Variants in NTM observed in about 807,000 individuals in gnomAD.
NTM encodes IgLON family member 2.
In NTM, 13 loss-of-function variants were observed where a neutral mutation model predicts 42.1. The observed-to-expected ratio is 0.31, with a 90% confidence interval of 0.20 to 0.49. The LOEUF is 0.49. NTM is among the 20% of genes least tolerant of loss of function. The probability of loss-of-function intolerance (pLI) is 0.99; values close to 1 mark genes in which losing one functional copy is unlikely to be tolerated. For synonymous variants in NTM, 187 were observed against 179.2 expected (o/e 1.04, Z -0.35); for missense variants, 373 against 452.8 (o/e 0.82, Z 1.60).
At chr11:132,265,994 A>T (rs2093161956) in intron 4 of NTM, among the ~76,000 whole-genome samples, 3 of 152,162 alleles carry the variant, frequency 2.0e-5, no homozygotes. Context: ...CTACTTCCTT[A>T]ACACAGGGTG....
At chr11:131,674,153 C>T (rs752724284) in intron 1 of NTM, among the ~76,000 whole-genome samples, 1 of 152,238 alleles carries the variant, frequency 6.6e-6, no homozygotes, top group Non-Finnish European at 1.5e-5. Flanking sequence ...CTCGCGTGGC[C>T]ATGAGAAGTA....
At chr11:131,788,493 AT>A (rs1192359486) in intron 1 of NTM, among the ~76,000 whole-genome samples, 1 of 151,992 alleles carries the variant, frequency 6.6e-6, no homozygotes, top group African/African-American at 2.4e-5. Flanking sequence ...ATTGGTAGAT[AT>A]TCTTTTGTAT....
intron 1 of NTM, among the ~76,000 whole-genome samples, chr11:131,526,232 C>T (rs577506949): frequency 6.6e-6 from 1 of 152,314 alleles, no homozygotes; most frequent in Admixed American, 6.5e-5. Context: ...GTCTGACCCC[C>T]ACTTTACTGC....
intron 1 of NTM, among the ~76,000 whole-genome samples, chr11:131,816,356 A>G (rs1274643770): frequency 1.3e-5 from 2 of 152,018 alleles, no homozygotes; most frequent in African/African-American, 2.4e-5. Flanking sequence ...ATAACAGTCA[A>G]CCCCTTAGAT....
rs192648133 is a variant in NTM at position 131,713,183 on chromosome 11, A to G, written c.83-198381A>G. On this transcript the variant is annotated intron_variant, in intron 1 of 8. Coordinates refer to ENST00000683400, the MANE Select transcript of NTM (RefSeq NM_001352005.2). ...GGGTGTGTAATGATAAAGAAATGCAAATGTTTAGAGCAACAAAACGGAAAC... is the reference window on the plus strand; with the variant it reads ...GGGTGTGTAATGATAAAGAAATGCAGATGTTTAGAGCAACAAAACGGAAAC... Among the ~76,000 whole-genome samples, 404 of 152,324 alleles carry G rather than the reference A, an allele frequency of 2.7e-3. 3 individuals carry two copies. Among genetic ancestry groups the G allele is most frequent in the African/African-American group, 9.5e-3 (393 of 41,570 alleles).
intron 2 of NTM, among the ~76,000 whole-genome samples, chr11:132,140,427 T>C (rs2068855482): frequency 1.3e-5 from 2 of 152,198 alleles, no homozygotes; most frequent in Non-Finnish European, 2.9e-5. Flanking sequence ...TTCCATGGCC[T>C]ACCTCCGTTT....
chr11:131,487,162 A>C (rs930378591), intron 1 of NTM, among the ~76,000 whole-genome samples: 4 of 152,202 alleles, frequency 2.6e-5, no homozygotes, highest in African/African-American at 9.7e-5. Flanking sequence ...GGCCCCTGGA[A>C]GCCTGCCAGA....
intron 3 of NTM, among the ~76,000 whole-genome samples, chr11:132,186,333 G>C (rs558630420): frequency 3.9e-5 from 6 of 152,304 alleles, no homozygotes; most frequent in Non-Finnish European, 5.9e-5. Context: ...AGGGAAGCAG[G>C]CAGTGGATGG....
At chr11:131,478,614 C>A (rs1275441566) in intron 1 of NTM, among the ~76,000 whole-genome samples, 1 of 152,082 alleles carries the variant, frequency 6.6e-6, no homozygotes, top group Admixed American at 6.6e-5. Flanking sequence ...GGACTAGTAG[C>A]CTCTGTGGTT....
intron 2 of NTM, among the ~76,000 whole-genome samples, chr11:131,962,980 C>T (rs1255653079): frequency 6.6e-6 from 1 of 152,194 alleles, no homozygotes; most frequent in Non-Finnish European, 1.5e-5. Context: ...GCGTTTGCTA[C>T]AGGGTGTCAA....
At chr11:131,984,273 C>T (rs916691436) in intron 2 of NTM, among the ~76,000 whole-genome samples, 64 of 152,154 alleles carry the variant, frequency 4.2e-4, no homozygotes, top group Admixed American at 2.0e-4. Flanking sequence ...GGATCACTGA[C>T]GTATAACTGA....
At chr11:131,594,730 CCTT>C (rs200662031) in intron 1 of NTM, among the ~76,000 whole-genome samples, 2,212 of 152,230 alleles carry the variant, frequency 0.015, 189 homozygotes, top group Admixed American at 0.13. Context: ...TAACAATTCT[CCTT>C]CTGATGAAAA....
At chr11:131,905,751 C>T (rs1036649438) in intron 1 of NTM, among the ~76,000 whole-genome samples, 1 of 152,074 alleles carries the variant, frequency 6.6e-6, no homozygotes, top group African/African-American at 2.4e-5. Context: ...GTTACTTTTG[C>T]CTATGTCTCT....
intron 1 of NTM, among the ~76,000 whole-genome samples, chr11:131,693,911 C>T (rs369067768): frequency 3.2e-4 from 49 of 152,304 alleles, no homozygotes; most frequent in African/African-American, 1.0e-3. Flanking sequence ...TGTTTGACTT[C>T]GTCTCTGGAG....
chr11:132,324,588 C>T (rs2095639828), intron 7 of NTM, among the ~76,000 whole-genome samples: 1 of 149,266 alleles, frequency 6.7e-6, no homozygotes, highest in African/African-American at 2.5e-5. Context: ...GTGAAAATGG[C>T]CATACTGCCC....
chr11:132,174,721 G>A (rs2076553374), intron 3 of NTM, among the ~76,000 whole-genome samples: 1 of 151,790 alleles, frequency 6.6e-6, no homozygotes, highest in African/African-American at 2.4e-5. Context: ...CTTCCTCGAC[G>A]GCTGGGCTGT....
At chr11:131,842,941 G>A (rs1298277880) in intron 1 of NTM, among the ~76,000 whole-genome samples, 1 of 152,054 alleles carries the variant, frequency 6.6e-6, no homozygotes, top group Non-Finnish European at 1.5e-5. Flanking sequence ...AACCCAGGAA[G>A]CAGGGGTTAC....
intron 2 of NTM, among the ~76,000 whole-genome samples, chr11:132,024,889 G>T (rs1161052065): frequency 6.6e-6 from 1 of 152,188 alleles, no homozygotes; most frequent in African/African-American, 2.4e-5. Flanking sequence ...TGAGTGTCAG[G>T]ATTGTCAGGA....
rs1368353944 is a variant in NTM, at chr11:132,002,470, C to G, written c.167+90822C>G. Among the ~76,000 whole-genome samples, 1 of 152,084 alleles carries G rather than the reference C, an allele frequency of 6.6e-6. No homozygotes were observed. The highest frequency in any genetic ancestry group is 2.1e-4 in the South Asian group (1 of 4,822). ...TTGAGTGTCAGTGATCAACAATTAACCCTACGTCTCAATTCATCATAAGCA... is the reference window on the plus strand; with the variant it reads ...TTGAGTGTCAGTGATCAACAATTAAGCCTACGTCTCAATTCATCATAAGCA... On this transcript the variant is annotated intron_variant, in intron 2 of 8. Transcript: ENST00000683400. This position sits in a 1 kb window ranked among gnomAD's most constrained non-coding sequence, Gnocchi z 4.5.
Sources: allele counts gnomAD v4.1 joint callset (sites outside exome capture counted in the v4.1 genomes callset), GRCh38; gene constraint gnomAD v4.1.1; non-coding constraint Gnocchi (gnomAD v3.1); transcripts MANE v1.5; gene names NCBI Gene and HGNC (gene_info 2026-07-23, HGNC 2026-07-21).